Variants in PDCD11 observed in about 807,000 individuals in gnomAD.
PDCD11 encodes protein RRP5 homolog.
In PDCD11, 97 loss-of-function variants were observed where a neutral mutation model predicts 198.9. The observed-to-expected ratio is 0.49, with a 90% CI of 0.41 to 0.58. The LOEUF (loss-of-function observed/expected upper bound fraction) is 0.58. PDCD11 is among the 20% of genes least tolerant of loss of function. The pLI, the probability that PDCD11 is intolerant of heterozygous loss-of-function variation, is 0.00. For missense variants in PDCD11, 2,102 were observed against 2,312.7 expected (o/e 0.91, Z 1.87); for synonymous variants, 893 against 918.0 (o/e 0.97, Z 0.49).
intron 20 of PDCD11, 72 bp from the exon 21 acceptor site, chr10:103,427,257 G>A (rs2031734701): frequency 7.4e-7 from 1 of 1,355,842 alleles, no homozygotes; most frequent in East Asian, 2.3e-5. Context: ...GGAGAGTAGG[G>A]AGAAATCCTG....
chr10:103,426,059 G>T (rs2031682191), intron 20 of PDCD11, among the ~76,000 whole-genome samples: 1 of 152,180 alleles, frequency 6.6e-6, no homozygotes, highest in Non-Finnish European at 1.5e-5. Context: ...GTGACCATGT[G>T]GCAGTAGCTA....
chr10:103,429,839 G>A (rs1231653856), intron 21 of PDCD11, among the ~76,000 whole-genome samples: 4 of 151,916 alleles, frequency 2.6e-5, no homozygotes, highest in Admixed American at 1.3e-4. Context: ...TTCCCCTTCC[G>A]TCTCAGTGAA....
chr10:103,423,941 T>A (rs1412843197), intron 19 of PDCD11, among the ~76,000 whole-genome samples: 1 of 152,148 alleles, frequency 6.6e-6, no homozygotes, highest in African/African-American at 2.4e-5. Flanking sequence ...GTGGCTGGCC[T>A]GGGACTCTGA....
intron 17 of PDCD11, among the ~76,000 whole-genome samples, chr10:103,422,150 T>A (rs1329916053): frequency 6.6e-6 from 1 of 150,440 alleles, no homozygotes; most frequent in East Asian, 1.9e-4. Flanking sequence ...GGTGCGATCT[T>A]GGCCACTGCA....
Position 103,417,889 on chromosome 10 carries a change from C to A in PDCD11, c.1868C>A (p.Ala623Glu). The change falls in exon 14 of 36, where the codon GCA becomes GAA. Residue 623 changes from alanine (A) to glutamate (E), a missense_variant. Coordinates refer to ENST00000369797, the MANE Select transcript of PDCD11 (RefSeq NM_014976.2). ...GATCCAGAGCCAAAGAAAGAGCCTG[C>A]AGGACACAGTCAGAAGAAAGGAAAA... ...SSDPEPKKEP[A>E]GHSQKKGKAI... The A allele has an allele frequency of 6.8e-6, 11 of 1,614,132 alleles. No homozygotes were observed. Among genetic ancestry groups the A allele is most frequent in the Non-Finnish European group, 9.3e-6 (11 of 1,180,012 alleles).
In PDCD11 at chr10:103,415,152, G is replaced by A; in HGVS notation, c.1518+1G>A. 6.2e-7 allele frequency: 1 copy of A among 1,613,726 alleles called. No homozygotes were observed. Among genetic ancestry groups the A allele is most frequent in the Non-Finnish European group, 8.5e-7 (1 of 1,179,996 alleles). ...CATCGGGGATGAGGTCAAGTGCCGG[G>A]TGAGCCTCCTGAAGGGTCTCTTGGG... On this transcript the variant is annotated splice_donor_variant, in intron 12 of 35. Coordinates refer to ENST00000369797, the MANE Select transcript of PDCD11 (RefSeq NM_014976.2). LOFTEE classifies it high-confidence loss of function.
At chr10:103,444,804 GC>G (rs2032531312) in intron 35 of PDCD11, 122 bp downstream of exon 35, 1 of 879,570 alleles carries the variant, frequency 1.1e-6, no homozygotes, top group Admixed American at 2.0e-5. Context: ...TAGATGTGAT[GC>G]CCCAGGCCCA....
At chr10:103,441,729 C>A in intron 30 of PDCD11, 97 bp from the exon 31 acceptor site, 1 of 1,151,328 alleles carries the variant, frequency 8.7e-7, no homozygotes, top group Non-Finnish European at 1.3e-6. Flanking sequence ...GGTCTCTGGG[C>A]TTGGTAGGAG....
intron 1 of PDCD11, among the ~76,000 whole-genome samples, 176 bp from the exon 2 acceptor site, chr10:103,398,240 C>G (rs995602608): frequency 6.6e-6 from 1 of 152,164 alleles, no homozygotes; most frequent in Non-Finnish European, 1.5e-5. Flanking sequence ...AAGCAGAGAC[C>G]TTTGGAAAGA....
At chr10:103,438,896 C>A in intron 27 of PDCD11, 88 bp downstream of exon 27, 2 of 1,390,004 alleles carry the variant, frequency 1.4e-6, no homozygotes, top group Non-Finnish European at 2.0e-6. Context: ...CGGTCAACTT[C>A]TTTGATGGGA....
At chr10:103,428,495 A>C (rs1001925314) in intron 21 of PDCD11, among the ~76,000 whole-genome samples, 2 of 152,114 alleles carry the variant, frequency 1.3e-5, no homozygotes, top group Non-Finnish European at 2.9e-5. Flanking sequence ...TTTATCCTCC[A>C]GTCTTTGTTG....
chr10:103,414,085 A>G lies in PDCD11; in HGVS notation c.1305A>G (p.Leu435=), dbSNP rs1366672357. 1.2e-6 allele frequency: 2 copies of G among 1,611,110 alleles called. No individual in the cohort carries two copies. The highest frequency in any genetic ancestry group is 1.3e-5 in the African/African-American group (1 of 74,848). ...SQMDELALLS[L]RTSIIEAQYL... ...TGGATGAACTGGCCTTGCTCTCTCT[A>G]CGAACGTAAGTCTGTCATTAACAGG... Residue 435 remains leucine, a synonymous_variant, in exon 10 of 36, where the codon CTA becomes CTG. Transcript: ENST00000369797.
rs200115454 is a variant in PDCD11, at chr10:103,434,939, C to T, written c.3809C>T (p.Thr1270Met). 1.1e-4 allele frequency: 175 copies of T among 1,592,030 alleles called. No homozygotes were observed. Among genetic ancestry groups the T allele is most frequent in the Non-Finnish European group, 1.3e-4 (149 of 1,169,302 alleles). ...CACATGAGTGACTCCTACTCCGAGA[C>T]GCCCCTGGAAGACTTCGTCCCCCAG... ...IFHMSDSYSE[T>M]PLEDFVPQKV... The change falls in exon 25 of 36, where the codon ACG (threonine) becomes ATG (methionine). Residue 1270 changes from threonine to methionine, a missense_variant. Transcript: ENST00000369797.
rs1003605612 is a variant in PDCD11, at chr10:103,405,874, G to T, written c.565-111G>T. 12 of 1,147,018 alleles carry T rather than the reference G, an allele frequency of 1.0e-5. No homozygotes were observed. In the African/African-American group the frequency reaches 1.7e-4, roughly 16 times the overall value. The allele number at this position is 1,147,018 out of a possible 1,614,324, so 71.1% of individuals were successfully genotyped here. On this transcript the variant is annotated intron_variant, in intron 5 of 35. Transcript: ENST00000369797. Reference sequence around the variant, plus strand: ...GTGGCTTAAGGTTTAATGTGGGAGTGGGATAGTGGCAGAGTGTGAGCTTAG... The same window carrying T: ...GTGGCTTAAGGTTTAATGTGGGAGTTGGATAGTGGCAGAGTGTGAGCTTAG...
At chr10:103,406,152 C>T in intron 6 of PDCD11, 44 bp downstream of exon 6, 1 of 1,598,976 alleles carries the variant, frequency 6.3e-7, no homozygotes, top group African/African-American at 1.3e-5. Flanking sequence ...TGAGGTGGTA[C>T]ATGTGGGGAT....
intron 1 of PDCD11, among the ~76,000 whole-genome samples, chr10:103,397,497 A>C (rs549265657): frequency 3.3e-5 from 5 of 152,318 alleles, no homozygotes; most frequent in African/African-American, 9.6e-5. Context: ...GTGCGGCGGC[A>C]TGATCTCAGC....
Position 103,443,059 on chromosome 10 carries a change from C to T in PDCD11, c.4956-106C>T, listed in dbSNP as rs1193993327. ...CTACATTTGGGGTGGGATCTGAGGA[C>T]ACAGATAGAGGCTGGGAGGGGGAGG... On this transcript the variant is annotated intron_variant, in intron 32 of 35. Coordinates refer to ENST00000369797, the MANE Select transcript of PDCD11 (RefSeq NM_014976.2). 3.0e-5 allele frequency: 30 copies of T among 984,560 alleles called. No individual in the cohort carries two copies. The Admixed American group carries it at 7.2e-4, about 24-fold the overall frequency. The allele number at this position is 984,560 out of a possible 1,614,324, so 61.0% of individuals were successfully genotyped here.
rs1010162510 is a variant in PDCD11, at chr10:103,433,838, C to T, written c.3475-110C>T. ...GGGATGGAAGGGTGGATTCCTGTCT[C>T]TTGGAAAAGTGTACTGGGGCCCTTT... is the stretch of plus-strand genomic sequence containing the variant. On this transcript the variant is annotated intron_variant, in intron 22 of 35. Coordinates refer to ENST00000369797, the MANE Select transcript of PDCD11 (RefSeq NM_014976.2). The T allele has an allele frequency of 2.6e-5, 21 of 796,758 alleles. No individual in the cohort carries two copies. In the East Asian group the frequency reaches 4.7e-4, roughly 18 times the overall value. The allele number at this position is 796,758 out of a possible 1,614,324, so 49.4% of individuals were successfully genotyped here. A position where few individuals can be genotyped will look rare whatever the true frequency, so the allele number is the denominator to read the frequency against.
chr10:103,430,816 T>A (rs2863730), intron 21 of PDCD11, among the ~76,000 whole-genome samples: 6 of 150,760 alleles, frequency 4.0e-5, no homozygotes, highest in African/African-American at 1.5e-4. Context: ...TTTTTTTTTT[T>A]AAATGGAGTT....
Sources: gnomAD v4.1 joint callset for allele counts (sites outside exome capture counted in the v4.1 genomes callset) on GRCh38, gnomAD v4.1.1 for gene constraint, MANE v1.5 for transcripts, NCBI Gene and HGNC (gene_info 2026-07-23, HGNC 2026-07-21) for gene names.